The following NOL4L variants were observed in gnomAD, a reference collection of about 807,000 sequenced individuals.
The protein encoded by NOL4L is nucleolar protein 4-like.
Under a neutral mutation model 64.5 loss-of-function variants are expected in NOL4L, and 7 were observed. The ratio of observed to expected loss-of-function variants is 0.11; its 90% CI spans 0.06 to 0.20. The LOEUF is 0.20. NOL4L is among the 10% of genes least tolerant of loss of function. The pLI is 1.00. For synonymous variants in NOL4L, 413 were observed against 401.0 expected (o/e 1.03, Z -0.36); for missense variants, 680 against 967.1 (o/e 0.70, Z 3.94).
chr20:32,447,272 C>A lies in NOL4L; in HGVS notation c.*324G>T. 1.8e-6 allele frequency: 1 copy of A among 557,280 alleles called. No individual in the cohort carries two copies. Among genetic ancestry groups the A allele is most frequent in the Non-Finnish European group, 3.4e-6 (1 of 293,446 alleles). The allele number at this position is 557,280 out of a possible 1,614,324, so 34.5% of individuals were successfully genotyped here. A position where few individuals can be genotyped will look rare whatever the true frequency, so the allele number is the denominator to read the frequency against. The stretch of plus-strand genomic sequence containing the variant: ...TAATTATCTGGGGGTGGGATTCTAA[C>A]ATCAGGGTCCACGAAGGTGATTCTA... On this transcript the variant is annotated 3_prime_UTR_variant, in exon 11 of 11. Transcript: ENST00000621426.
chr20:32,452,166 C>T (rs773543869), intron 10 of NOL4L, 70 bp downstream of exon 10: 70 of 1,400,952 alleles, frequency 5.0e-5, no homozygotes, highest in Non-Finnish European at 6.6e-5. Context: ...CATTCCGCTG[C>T]CCAGGGCTGC....
At chr20:32,469,236 C>T (rs1226714185) in intron 5 of NOL4L, among the ~76,000 whole-genome samples, 12 of 152,094 alleles carry the variant, frequency 7.9e-5, no homozygotes, top group South Asian at 2.1e-4. Flanking sequence ...AGAAAAAAGG[C>T]GCCAATACTG....
intron 1 of NOL4L, chr20:32,536,413 G>T: frequency 1.6e-6 from 1 of 645,052 alleles, no homozygotes; most frequent in Non-Finnish European, 1.9e-6. Context: ...AGTGGGCCGC[G>T]CTAATGACTG....
At chr20:32,491,576 A>G (rs1185529328) in intron 4 of NOL4L, among the ~76,000 whole-genome samples, 1 of 152,048 alleles carries the variant, frequency 6.6e-6, no homozygotes, top group African/African-American at 2.4e-5. Context: ...TCACTGCCTC[A>G]CTCGGGCCCC....
rs2145414858 is a variant in NOL4L, at chr20:32,446,418, GCA to G, written c.*1176_*1177del. The G allele has an allele frequency of 6.6e-6, 1 of 152,462 alleles. No individual in the cohort carries two copies. Among genetic ancestry groups the G allele is most frequent in the East Asian group, 1.9e-4 (1 of 5,180 alleles). The allele number at this position is 152,462 out of a possible 1,614,324, so 9.4% of individuals were successfully genotyped here. On this transcript the variant is annotated 3_prime_UTR_variant, in exon 11 of 11. Coordinates refer to ENST00000621426, the MANE Select transcript of NOL4L (RefSeq NM_001256798.2). ...AACATGGCGCAAGGGGATGGGAGCT[GCA>G]GCCCGCCCTGGAGCTCACGGCTGCC...
At chr20:32,555,312 A>C (rs1275406698) in intron 1 of NOL4L, among the ~76,000 whole-genome samples, 1 of 151,968 alleles carries the variant, frequency 6.6e-6, no homozygotes, top group Non-Finnish European at 1.5e-5. Context: ...CCTTTTTAAA[A>C]ATTTTTAAAT....
rs990835265 is a variant in NOL4L at position 32,463,916 on chromosome 20, T to A, written c.842-7521A>T. ...GACCACAGGCCAGGTACACGGCCAC[T>A]GGAGGCCAGCAGGCCCTGCGTGCAG... On this transcript the variant is annotated intron_variant, in intron 5 of 10. Coordinates refer to ENST00000621426, the MANE Select transcript of NOL4L (RefSeq NM_001256798.2). This position sits in a 1 kb window ranked among gnomAD's most constrained non-coding sequence, Gnocchi z 5.8. Among the ~76,000 whole-genome samples the A allele has an allele frequency of 1.3e-5, 2 of 152,300 alleles. No homozygotes were observed. Among genetic ancestry groups the A allele is most frequent in the Non-Finnish European group, 1.5e-5 (1 of 68,016 alleles).
At chr20:32,530,540 C>CAA (rs142582061) in intron 1 of NOL4L, among the ~76,000 whole-genome samples, 3 of 126,892 alleles carry the variant, frequency 2.4e-5, no homozygotes, top group African/African-American at 8.6e-5. Flanking sequence ...GATTCCATCT[C>CAA]AAAAAAAAAA....
At chr20:32,522,256 A>G (rs1279297703) in intron 2 of NOL4L, among the ~76,000 whole-genome samples, 1 of 152,198 alleles carries the variant, frequency 6.6e-6, no homozygotes, top group Non-Finnish European at 1.5e-5. Context: ...TGGTGACACA[A>G]TTGTTATTTC....
At chr20:32,539,954 A>G (rs1219486662) in intron 1 of NOL4L, among the ~76,000 whole-genome samples, 2 of 152,158 alleles carry the variant, frequency 1.3e-5, no homozygotes, top group Non-Finnish European at 2.9e-5. Flanking sequence ...GGCTGATATG[A>G]GCTGAATCCA....
At chr20:32,560,218 T>C (rs1978924700) in intron 1 of NOL4L, among the ~76,000 whole-genome samples, 1 of 152,188 alleles carries the variant, frequency 6.6e-6, no homozygotes, top group South Asian at 2.1e-4. Flanking sequence ...TGCTGAATAA[T>C]GACCATTCTG....
intron 10 of NOL4L, chr20:32,450,530 T>G (rs1367010204): frequency 6.6e-6 from 1 of 152,282 alleles, no homozygotes; most frequent in Non-Finnish European, 1.5e-5. Flanking sequence ...GCCAGCTGCC[T>G]CCCTGGAAGA....
chr20:32,452,241 C>G lies in NOL4L; in HGVS notation c.1817G>C (p.Ser606Thr), dbSNP rs767851391. Residue 606 changes from serine to threonine, a missense_variant, in exon 10 of 11, where the codon AGT becomes ACT. This residue lies in a region of NOL4L where 175 missense variants were observed against 227.0 expected (regional missense o/e 0.77). Transcript: ENST00000621426. ...PPASLQTGNH[S>T]NGPTDLSMKG... ...CCAGGCCTCCCCCGACTCACCATTA[C>G]TGTGGTTTCCTGTTTGGAGGGAGGC... 10 of 1,555,138 alleles carry G rather than the reference C, an allele frequency of 6.4e-6. No individual in the cohort carries two copies. The Admixed American group carries it at 1.3e-4, about 20-fold the overall frequency.
In NOL4L at chr20:32,504,326, T is replaced by C. The variant is rs1402426165; in HGVS notation, c.699+7021A>G. On this transcript the variant is annotated intron_variant, in intron 4 of 10. Transcript: ENST00000621426. ...CTGTAATCCCAGCACTTTGGGAGGC[T>C]GAGGTGGGTAGATCACGAGGTCAGT... is the stretch of plus-strand genomic sequence containing the variant. Among the ~76,000 whole-genome samples the C allele has an allele frequency of 2.6e-5, 4 of 152,184 alleles. No individual in the cohort carries two copies. The South Asian group carries it at 8.3e-4, about 32-fold the overall frequency.
intron 1 of NOL4L, among the ~76,000 whole-genome samples, chr20:32,552,963 C>G (rs1034442674): frequency 2.0e-5 from 3 of 152,162 alleles, no homozygotes; most frequent in African/African-American, 7.2e-5. Context: ...AGATTACTCA[C>G]TGGCCCTCAG....
intron 4 of NOL4L, among the ~76,000 whole-genome samples, chr20:32,478,225 G>A (rs181873803): frequency 4.8e-5 from 7 of 146,902 alleles, no homozygotes; most frequent in Non-Finnish European, 7.4e-5. Flanking sequence ...GGAACTCATG[G>A]GTGATGAGGC....
rs768245969 is a variant in NOL4L, at chr20:32,557,216, G to C, written c.321+27354C>G. ...CCTCACGCATCCCTGCCCTGGCCAC[G>C]AAGCAGCCTCCCCGCTACCGTCCTG... is the stretch of plus-strand genomic sequence containing the variant. On this transcript the variant is annotated intron_variant, in intron 1 of 10. Transcript: ENST00000621426. Among the ~76,000 whole-genome samples the C allele has an allele frequency of 2.6e-5, 4 of 152,324 alleles. No homozygotes were observed. The East Asian group carries it at 5.8e-4, about 22-fold the overall frequency.
At chr20:32,574,763 C>G (rs1335463284) in intron 1 of NOL4L, among the ~76,000 whole-genome samples, 1 of 150,410 alleles carries the variant, frequency 6.6e-6, no homozygotes, top group African/African-American at 2.4e-5. Flanking sequence ...CACGATGACT[C>G]CCGCGCTGGC....
chr20:32,523,055 G>C (rs1012497908), intron 2 of NOL4L, among the ~76,000 whole-genome samples: 1 of 152,226 alleles, frequency 6.6e-6, no homozygotes, highest in Non-Finnish European at 1.5e-5. Context: ...GGCCAGCTGA[G>C]GGAATAGGAA....
Sources: allele counts gnomAD v4.1 joint callset (sites outside exome capture counted in the v4.1 genomes callset), GRCh38; gene constraint gnomAD v4.1.1; regional missense constraint gnomAD v4.1.1; non-coding constraint Gnocchi (gnomAD v3.1); transcripts MANE v1.5; gene names NCBI Gene and HGNC (gene_info 2026-07-23, HGNC 2026-07-21).